The following VGLL4 variants were observed in gnomAD, a reference collection of about 807,000 sequenced individuals.
VGLL4 encodes the protein vestigial like family member 4.
Under a neutral mutation model 21.0 loss-of-function variants are expected in VGLL4, and 7 were observed. The observed-to-expected ratio is 0.33, with a 90% CI of 0.19 to 0.63. VGLL4 has a LOEUF of 0.63. Among genes scored for constraint, VGLL4 ranks in the 20% least tolerant of loss-of-function variants. The pLI is 0.78. For synonymous variants in VGLL4, 222 were observed against 173.2 expected, an observed-to-expected ratio of 1.28 and a Z score of -2.21; for missense variants, 394 against 425.7, an observed-to-expected ratio of 0.93 and a Z score of 0.66.
chr3:11,694,404 T>C (rs1215124180), intron 2 of VGLL4, among the ~76,000 whole-genome samples: 2 of 152,014 alleles, frequency 1.3e-5, no homozygotes, highest in East Asian at 3.9e-4. Flanking sequence ...GTAGATCACT[T>C]GAGGTTAGGA....
intron 1 of VGLL4, among the ~76,000 whole-genome samples, chr3:11,606,043 G>C (rs902622268): frequency 2.0e-5 from 3 of 152,196 alleles, no homozygotes; most frequent in Non-Finnish European, 2.9e-5. Context: ...AGAGAAAGAG[G>C]CTTGATGGAT....
chr3:11,688,775 T>C (rs899989400), intron 2 of VGLL4, among the ~76,000 whole-genome samples: 2 of 152,154 alleles, frequency 1.3e-5, no homozygotes, highest in Admixed American at 6.5e-5. Flanking sequence ...TCCCAGCACT[T>C]TGGGAGGCCG....
rs1025248101 is a variant in VGLL4, at chr3:11,653,924, G to C, written c.64+49047C>G. 1.3e-5 allele frequency among the ~76,000 whole-genome samples: 2 copies of C among 152,164 alleles called. No individual in the cohort carries two copies. The highest frequency in any genetic ancestry group is 4.1e-4 in the South Asian group (2 of 4,820). ...GATAGAATTCACCCGAGACAACACA[G>C]AGGGAAGGGCCCCGGCCAGAGGCTC... is the stretch of plus-strand genomic sequence containing the variant. On this transcript the variant is annotated intron_variant, in intron 2 of 5. Transcript: ENST00000273038. The surrounding 1 kb of genome is among the most constrained non-coding windows in gnomAD (Gnocchi z 4.2).
At chr3:11,558,908 C>G in intron 4 of VGLL4, 81 bp from the exon 5 acceptor site, 1 of 1,515,690 alleles carries the variant, frequency 6.6e-7, no homozygotes, top group Non-Finnish European at 8.9e-7. Context: ...CTCCCTCAGG[C>G]AGCCCAGAGC....
chr3:11,667,879 T>C (rs1268975106), intron 2 of VGLL4, among the ~76,000 whole-genome samples: 6 of 134,654 alleles, frequency 4.5e-5, no homozygotes, highest in African/African-American at 1.4e-4. Context: ...TTTGAGATGG[T>C]GTCTCACTCT....
chr3:11,643,793 C>G lies in VGLL4; in HGVS notation c.-275G>C. ...GAAAACAGCGTTTCAGAAGTCCTTACAAGTCCTTCCTGGAAATGGAAAAGA... is the reference window on the plus strand; with the variant it reads ...GAAAACAGCGTTTCAGAAGTCCTTAGAAGTCCTTCCTGGAAATGGAAAAGA... On this transcript the variant is annotated 5_prime_UTR_variant, in exon 1 of 5. Transcript: ENST00000430365. 8.6e-7 allele frequency: 1 copy of G among 1,157,504 alleles called. No individual in the cohort carries two copies. The highest frequency in any genetic ancestry group is 1.1e-6 in the Non-Finnish European group (1 of 939,252). The allele number at this position is 1,157,504 out of a possible 1,614,324, so 71.7% of individuals were successfully genotyped here.
intron 2 of VGLL4, among the ~76,000 whole-genome samples, chr3:11,689,423 C>G (rs2076495497): frequency 6.6e-6 from 1 of 152,172 alleles, no homozygotes; most frequent in Admixed American, 6.5e-5. Context: ...GCTTCTCAAG[C>G]CAACCTAGTT....
At chr3:11,674,098 G>A (rs1489220777) in intron 2 of VGLL4, among the ~76,000 whole-genome samples, 2 of 149,462 alleles carry the variant, frequency 1.3e-5, no homozygotes, top group South Asian at 2.1e-4. Context: ...AATGGAGCTC[G>A]CCTCCAAAAC....
At position 11,557,515 on chromosome 3, in the gene VGLL4, C is replaced by CACT. The variant is rs1327182098; in HGVS notation, c.*1038_*1040dup. ...CCAGCATCCCACACCGCAGCTGACC[C>CACT]ACTGCTCATCGCGAGGGCCTGCCAG... is the stretch of plus-strand genomic sequence containing the variant. On this transcript the variant is annotated 3_prime_UTR_variant, in exon 5 of 5. Coordinates refer to ENST00000430365, the MANE Select transcript of VGLL4 (RefSeq NM_001128219.3). 2.0e-5 allele frequency: 3 copies of CACT among 152,536 alleles called. No homozygotes were observed. The highest frequency in any genetic ancestry group is 1.5e-5 in the Non-Finnish European group (1 of 68,034). The allele number at this position is 152,536 out of a possible 1,614,324, so 9.4% of individuals were successfully genotyped here.
At chr3:11,579,567 T>C (rs1339326514) in intron 2 of VGLL4, among the ~76,000 whole-genome samples, 3 of 152,090 alleles carry the variant, frequency 2.0e-5, no homozygotes, top group African/African-American at 7.2e-5. Context: ...GTCTGTGGAG[T>C]GTGCAGTGTG....
intron 2 of VGLL4, among the ~76,000 whole-genome samples, chr3:11,601,629 A>G (rs967925248): frequency 6.6e-6 from 1 of 152,250 alleles, no homozygotes; most frequent in Non-Finnish European, 1.5e-5. Flanking sequence ...GCTGGAGGGA[A>G]GCCAGACTTC....
rs183839674 is a variant in VGLL4 at position 11,630,979 on chromosome 3, G to A, written c.82+12458C>T. The stretch of plus-strand genomic sequence containing the variant: ...AGTTCATTCATTATAGTTGAAAACC[G>A]GAAACTTAAAACATCATCCATCAAG... On this transcript the variant is annotated intron_variant, in intron 1 of 4. Coordinates refer to ENST00000430365, the MANE Select transcript of VGLL4 (RefSeq NM_001128219.3). 1.8e-4 allele frequency among the ~76,000 whole-genome samples: 27 copies of A among 152,216 alleles called. No homozygotes were observed. In the East Asian group the frequency reaches 3.3e-3, roughly 18 times the overall value.
intron 2 of VGLL4, among the ~76,000 whole-genome samples, chr3:11,663,961 A>T (rs2076072465): frequency 6.6e-6 from 1 of 152,218 alleles, no homozygotes; most frequent in Non-Finnish European, 1.5e-5. Flanking sequence ...TAATGTAAAA[A>T]GAAATGTAGG....
intron 1 of VGLL4, among the ~76,000 whole-genome samples, chr3:11,639,372 C>T (rs1409424055): frequency 2.0e-5 from 3 of 152,222 alleles, no homozygotes; most frequent in Non-Finnish European, 2.9e-5. Context: ...CACCTTCCAG[C>T]GAGGCCGGTC....
Position 11,598,614 on chromosome 3 carries a change from C to T in VGLL4, c.272+3219G>A, listed in dbSNP as rs139940580. Among the ~76,000 whole-genome samples the T allele has an allele frequency of 2.4e-3, 371 of 152,104 alleles. 3 individuals are homozygous for T. The highest frequency in any genetic ancestry group is 8.4e-3 in the African/African-American group (350 of 41,484). On this transcript the variant is annotated intron_variant, in intron 2 of 4. Transcript: ENST00000430365. Reference sequence around the variant, plus strand: ...AAGCTATCCTCCCACCTCAGCCTCCCAAGTAGCTGGGAGCAAAGGAACACT... The same window carrying T: ...AAGCTATCCTCCCACCTCAGCCTCCTAAGTAGCTGGGAGCAAAGGAACACT...
intron 1 of VGLL4, among the ~76,000 whole-genome samples, chr3:11,602,874 G>A (rs2074841443): frequency 6.6e-6 from 1 of 151,860 alleles, no homozygotes; most frequent in African/African-American, 2.4e-5. Flanking sequence ...TTATAAAGAC[G>A]AATGATTACT....
chr3:11,704,252 C>T (rs1364029809), intron 1 of VGLL4, among the ~76,000 whole-genome samples: 4 of 151,048 alleles, frequency 2.6e-5, no homozygotes, highest in Non-Finnish European at 4.4e-5. Flanking sequence ...GTATGGTGGC[C>T]CATGCTTGTA....
chr3:11,568,635 C>A lies in VGLL4; in HGVS notation c.273-3616G>T. The A allele has an allele frequency of 1.3e-6, 2 of 1,569,244 alleles. No individual in the cohort carries two copies. The highest frequency in any genetic ancestry group is 1.7e-6 in the Non-Finnish European group (2 of 1,155,366). On this transcript the variant is annotated intron_variant, in intron 2 of 4. Coordinates refer to ENST00000430365, the MANE Select transcript of VGLL4 (RefSeq NM_001128219.3). The surrounding 1 kb of genome is among the most constrained non-coding windows in gnomAD (Gnocchi z 5.9). ...CAGCTCATTTTCCTGGTTCCCGGAG[C>A]TTCAAGACAGACATTGTTTTCCAGG...
At chr3:11,561,173 G>A (rs539437645) in intron 3 of VGLL4, among the ~76,000 whole-genome samples, 2 of 152,256 alleles carry the variant, frequency 1.3e-5, no homozygotes, top group African/African-American at 2.4e-5. Context: ...TGCTCAGCCG[G>A]CTTGTTCTTT....
Sources: allele counts gnomAD v4.1 joint callset (sites outside exome capture counted in the v4.1 genomes callset), GRCh38; gene constraint gnomAD v4.1.1; non-coding constraint Gnocchi (gnomAD v3.1); transcripts MANE v1.5; gene names NCBI Gene and HGNC (gene_info 2026-07-23, HGNC 2026-07-21).